Variants in ASCL1 observed in about 807,000 individuals in gnomAD.
The protein encoded by ASCL1 is achaete-scute family bHLH transcription factor 1, also known as achaete-scute homolog 1.
A neutral mutation model predicts 16.1 loss-of-function variants in ASCL1; 2 were observed. The observed-to-expected ratio is 0.12, with a 90% CI of 0.05 to 0.39. The LOEUF (loss-of-function observed/expected upper bound fraction) is 0.39. Ranked by LOEUF, ASCL1 falls within the 10% of genes least tolerant of loss-of-function variation. The pLI is 0.99. For synonymous variants in ASCL1, 165 were observed against 155.7 expected (o/e 1.06, Z -0.45); for missense variants, 276 against 336.9 (o/e 0.82, Z 1.41).
In ASCL1 at chr12:102,958,951, T is replaced by C; in HGVS notation, c.707T>C (p.Phe236Ser). The C allele has an allele frequency of 6.2e-7, 1 of 1,613,594 alleles. No homozygotes were observed. Among genetic ancestry groups the C allele is most frequent in the Non-Finnish European group, 8.5e-7 (1 of 1,180,040 alleles). ...EQELLDFTNW[F>S] ...GAGCTTCTCGACTTCACCAACTGGT[T>C]CTGAGGGGCTCGGCCTGGTCAGGCC... Residue 236 changes from phenylalanine (F) to serine (S), a missense_variant, in exon 1 of 2, where the codon TTC becomes TCC. Around this residue, in one of 3 missense-constraint regions of ASCL1, gnomAD observed 68 missense variants for 86.7 expected, o/e 0.78. Coordinates refer to ENST00000266744, the MANE Select transcript of ASCL1 (RefSeq NM_004316.4).
Position 102,959,887 on chromosome 12 carries a change from T to C in ASCL1, c.*573T>C, listed in dbSNP as rs1045817621. ...TCTCAGCCCTTTGAAACTCTGCTTCTCCTCCAGGGCCCGATTCCCAAACCC... is the reference window on the plus strand; with the variant it reads ...TCTCAGCCCTTTGAAACTCTGCTTCCCCTCCAGGGCCCGATTCCCAAACCC... On this transcript the variant is annotated 3_prime_UTR_variant, in exon 2 of 2. Transcript: ENST00000266744. The C allele has an allele frequency of 6.6e-6, 1 of 152,342 alleles. No individual in the cohort carries two copies. Among genetic ancestry groups the C allele is most frequent in the Non-Finnish European group, 1.5e-5 (1 of 68,030 alleles). 9.4% of individuals were successfully genotyped at this position (152,342 alleles called of 1,614,324 possible).
In ASCL1 at chr12:102,960,403, A is replaced by G. The variant is rs1031292111; in HGVS notation, c.*1089A>G. 6.7e-5 allele frequency: 3 copies of G among 44,642 alleles called. No homozygotes were observed. The highest frequency in any genetic ancestry group is 1.6e-4 in the Non-Finnish European group (3 of 18,518). 2.8% of individuals were successfully genotyped at this position (44,642 alleles called of 1,614,324 possible). A position where few individuals can be genotyped will look rare whatever the true frequency, so the allele number is the denominator to read the frequency against. The stretch of plus-strand genomic sequence containing the variant: ...AGGTTGCCTTTTGGAGATTTCTATT[A>G]CTGCCTTTTTTTTTCTTACTGTTTT... On this transcript the variant is annotated 3_prime_UTR_variant, in exon 2 of 2. Transcript: ENST00000266744.
At position 102,958,779 on chromosome 12, in the gene ASCL1, G is replaced by A; in HGVS notation, c.535G>A (p.Ala179Thr). The A allele has an allele frequency of 6.2e-7, 1 of 1,614,092 alleles. No individual in the cohort carries two copies. Among genetic ancestry groups the A allele is most frequent in the Non-Finnish European group, 8.5e-7 (1 of 1,180,012 alleles). Residue 179 changes from alanine to threonine, a missense_variant, in exon 1 of 2, where the codon GCG becomes ACG. Around this residue, in one of 3 missense-constraint regions of ASCL1, gnomAD observed 68 missense variants for 86.7 expected, o/e 0.78. Transcript: ENST00000266744. ...GCAGCAGCTGCTGGACGAGCATGAC[G>A]CGGTGAGCGCCGCCTTCCAGGCAGG... is the stretch of plus-strand genomic sequence containing the variant. ...ALQQLLDEHD[A>T]VSAAFQAGVL...
chr12:102,959,215 G>A, intron 1 of ASCL1, 147 bp from the exon 2 acceptor site: 2 of 547,464 alleles, frequency 3.7e-6, no homozygotes, highest in Non-Finnish European at 6.5e-6. Context: ...GGGTAGTAGT[G>A]AGGTGCAGAG....
rs971344834 is a variant in ASCL1 at position 102,958,561 on chromosome 12, G to C, written c.317G>C (p.Ser106Thr). 7.5e-6 allele frequency: 12 copies of C among 1,610,464 alleles called. No individual in the cohort carries two copies. The highest frequency in any genetic ancestry group is 9.3e-6 in the Non-Finnish European group (11 of 1,178,654). The stretch of plus-strand genomic sequence containing the variant: ...CGCTGCAAACGCCGGCTCAACTTCA[G>C]CGGCTTTGGCTACAGCCTGCCGCAG... ...LMRCKRRLNF[S>T]GFGYSLPQQQ... The change falls in exon 1 of 2, where the codon AGC becomes ACC. Residue 106 changes from serine to threonine, a missense_variant. By Grantham distance (58) the Ser-to-Thr change is moderately conservative. Transcript: ENST00000266744.
At chr12:102,959,215 G>C in intron 1 of ASCL1, 147 bp from the exon 2 acceptor site, 1 of 547,582 alleles carries the variant, frequency 1.8e-6, no homozygotes, top group Non-Finnish European at 3.3e-6. Context: ...GGGTAGTAGT[G>C]AGGTGCAGAG....
rs66942154 is a variant in ASCL1 at position 102,959,430 on chromosome 12, GA to G, written c.*126del. On this transcript the variant is annotated 3_prime_UTR_variant, in exon 2 of 2. Transcript: ENST00000266744. The stretch of plus-strand genomic sequence containing the variant: ...CGTTGGGAGGGGGAGAAAAGGAAAA[GA>G]AAAAAAAAAGAAGAAGAAGAAGAAA... 0.97 allele frequency: 148,421 copies of G among 152,312 alleles called. 72,327 individuals carry two copies. Among genetic ancestry groups the G allele is most frequent in the African/African-American group, 0.99 (40,793 of 41,208 alleles). The allele number at this position is 152,312 out of a possible 1,614,324, so 9.4% of individuals were successfully genotyped here.
In ASCL1 at chr12:102,959,865, C is replaced by T. The variant is rs1383480094; in HGVS notation, c.*551C>T. The stretch of plus-strand genomic sequence containing the variant: ...GTTTACAGTGAAACTATGCTATTCT[C>T]AGCCCTTTGAAACTCTGCTTCTCCT... On this transcript the variant is annotated 3_prime_UTR_variant, in exon 2 of 2. Coordinates refer to ENST00000266744, the MANE Select transcript of ASCL1 (RefSeq NM_004316.4). 6.6e-6 allele frequency: 1 copy of T among 152,294 alleles called. No homozygotes were observed. The highest frequency in any genetic ancestry group is 2.4e-5 in the African/African-American group (1 of 41,448). 9.4% of individuals were successfully genotyped at this position (152,294 alleles called of 1,614,324 possible). A position where few individuals can be genotyped will look rare whatever the true frequency, so the allele number is the denominator to read the frequency against.
Position 102,958,155 on chromosome 12 carries a change from C to A in ASCL1, c.-90C>A, listed in dbSNP as rs903347197. 2.0e-6 allele frequency: 2 copies of A among 989,884 alleles called. No individual in the cohort carries two copies. Among genetic ancestry groups the A allele is most frequent in the Non-Finnish European group, 2.7e-6 (2 of 736,296 alleles). The allele number at this position is 989,884 out of a possible 1,614,324, so 61.3% of individuals were successfully genotyped here. ...CCTTTTCTTTCCCTCTCTGTTCCTG[C>A]ACCCAAGTTCTCTCTGTGTCCCCCT... On this transcript the variant is annotated 5_prime_UTR_variant, in exon 1 of 2. Coordinates refer to ENST00000266744, the MANE Select transcript of ASCL1 (RefSeq NM_004316.4).
Position 102,958,384 on chromosome 12 carries a change from C to CA in ASCL1, c.140_141insA (p.Gln48AlafsTer109), listed in dbSNP as rs779705418. On this transcript the variant is annotated frameshift_variant, in exon 1 of 2. Coordinates refer to ENST00000266744, the MANE Select transcript of ASCL1 (RefSeq NM_004316.4). LOFTEE classifies it high-confidence loss of function. Reference sequence around the variant, plus strand: ...GCGGCCGCAGCCGCCGCAGCGGCAGCGCAGAGCGCGCAGCAGCAGCAGCAG... The same window carrying CA: ...GCGGCCGCAGCCGCCGCAGCGGCAGCAGCAGAGCGCGCAGCAGCAGCAGCAG... 1.3e-5 allele frequency: 20 copies of CA among 1,493,840 alleles called. No individual in the cohort carries two copies. The East Asian group carries it at 4.6e-4, about 35-fold the overall frequency. The allele number at this position is 1,493,840 out of a possible 1,614,324, so 92.5% of individuals were successfully genotyped here.
Position 102,960,502 on chromosome 12 carries a change from T to G in ASCL1, c.*1188T>G, listed in dbSNP as rs1484448225. On this transcript the variant is annotated 3_prime_UTR_variant, in exon 2 of 2. Transcript: ENST00000266744. ...TTCGTAATAAAACTTTTTCCTTTTT[T>G]TAAAATGAAAATAATCAGCTGACTC... The G allele has an allele frequency of 6.6e-6, 1 of 152,668 alleles. No individual in the cohort carries two copies. The highest frequency in any genetic ancestry group is 2.4e-5 in the African/African-American group (1 of 41,454). The allele number at this position is 152,668 out of a possible 1,614,324, so 9.5% of individuals were successfully genotyped here. A position where few individuals can be genotyped will look rare whatever the true frequency, so the allele number is the denominator to read the frequency against.
At position 102,958,569 on chromosome 12, in the gene ASCL1, G is replaced by C. The variant is rs775238174; in HGVS notation, c.325G>C (p.Gly109Arg). 2.5e-6 allele frequency: 4 copies of C among 1,609,794 alleles called. No individual in the cohort carries two copies. In the African/African-American group the frequency reaches 5.3e-5, roughly 22 times the overall value. The change falls in exon 1 of 2, where the codon GGC (glycine) becomes CGC (arginine). Residue 109 changes from glycine (G) to arginine (R), a missense_variant. By Grantham distance (125) the Gly-to-Arg change is moderately radical. This residue lies in a region of ASCL1 where 178 missense variants were observed against 167.0 expected (regional missense o/e 1.07). Transcript: ENST00000266744. ...CKRRLNFSGF[G>R]YSLPQQQPAA... Reference sequence around the variant, plus strand: ...ACGCCGGCTCAACTTCAGCGGCTTTGGCTACAGCCTGCCGCAGCAGCAGCC... The same window carrying C: ...ACGCCGGCTCAACTTCAGCGGCTTTCGCTACAGCCTGCCGCAGCAGCAGCC...
At position 102,959,677 on chromosome 12, in the gene ASCL1, C is replaced by T. The variant is rs944843330; in HGVS notation, c.*363C>T. The T allele has an allele frequency of 1.3e-5, 2 of 152,278 alleles. No individual in the cohort carries two copies. The highest frequency in any genetic ancestry group is 2.9e-5 in the Non-Finnish European group (2 of 68,150). 9.4% of individuals were successfully genotyped at this position (152,278 alleles called of 1,614,324 possible). On this transcript the variant is annotated 3_prime_UTR_variant, in exon 2 of 2. Transcript: ENST00000266744. ...GCTCCTGGCAGAAGGGAGCAGCACA[C>T]GCGTTATAGTAACTCCCATCACCTC... is the stretch of plus-strand genomic sequence containing the variant.
chr12:102,959,319 C>T (rs1880045088), intron 1 of ASCL1, 43 bp from the exon 2 acceptor site: 1 of 311,844 alleles, frequency 3.2e-6, no homozygotes, highest in African/African-American at 2.2e-5. Flanking sequence ...CACTAGCCTA[C>T]ACGTTCAAAT....
In ASCL1 at chr12:102,958,165, C is replaced by T. The variant is rs2136784746; in HGVS notation, c.-80C>T. ...CCCTCTCTGTTCCTGCACCCAAGTT[C>T]TCTCTGTGTCCCCCTCGCGGGCCCC... On this transcript the variant is annotated 5_prime_UTR_variant, in exon 1 of 2. Coordinates refer to ENST00000266744, the MANE Select transcript of ASCL1 (RefSeq NM_004316.4). The T allele has an allele frequency of 2.6e-6, 3 of 1,140,666 alleles. No individual in the cohort carries two copies. Among genetic ancestry groups the T allele is most frequent in the East Asian group, 6.4e-5 (2 of 31,016 alleles). The allele number at this position is 1,140,666 out of a possible 1,614,324, so 70.7% of individuals were successfully genotyped here.
Position 102,958,283 on chromosome 12 carries a change from CCAGCAGCCCCAG to C in ASCL1, c.41_52del (p.Gln14_Gln17del). On this transcript the variant is annotated inframe_deletion, in exon 1 of 2. Coordinates refer to ENST00000266744, the MANE Select transcript of ASCL1 (RefSeq NM_004316.4). ...CCAAGATGGAGAGCGGCGGCGCCGG[CCAGCAGCCCCAG>C]CCGCAGCCCCAGCAGCCCTTCCTGC... 6.8e-7 allele frequency: 1 copy of C among 1,476,040 alleles called. No individual in the cohort carries two copies. The highest frequency in any genetic ancestry group is 8.9e-7 in the Non-Finnish European group (1 of 1,118,712). 91.4% of individuals were successfully genotyped at this position (1,476,040 alleles called of 1,614,324 possible).
intron 1 of ASCL1, 120 bp from the exon 2 acceptor site, chr12:102,959,235 AACCGAAT>A: frequency 2.0e-6 from 1 of 506,814 alleles, no homozygotes; most frequent in Non-Finnish European, 3.6e-6. Context: ...GATACTGGTG[AACCGAAT>A]ACTGGGACAT....
At position 102,958,157 on chromosome 12, in the gene ASCL1, C is replaced by T; in HGVS notation, c.-88C>T. 1 of 1,046,096 alleles carries T rather than the reference C, an allele frequency of 9.6e-7. No individual in the cohort carries two copies. The highest frequency in any genetic ancestry group is 1.3e-6 in the Non-Finnish European group (1 of 783,644). 64.8% of individuals were successfully genotyped at this position (1,046,096 alleles called of 1,614,324 possible). On this transcript the variant is annotated 5_prime_UTR_variant, in exon 1 of 2. Coordinates refer to ENST00000266744, the MANE Select transcript of ASCL1 (RefSeq NM_004316.4). ...TTTTCTTTCCCTCTCTGTTCCTGCACCCAAGTTCTCTCTGTGTCCCCCTCG... is the reference window on the plus strand; with the variant it reads ...TTTTCTTTCCCTCTCTGTTCCTGCATCCAAGTTCTCTCTGTGTCCCCCTCG...
intron 1 of ASCL1, 117 bp downstream of exon 1, chr12:102,959,119 T>C: frequency 8.3e-7 from 1 of 1,203,030 alleles, no homozygotes; most frequent in Non-Finnish European, 1.1e-6. Flanking sequence ...AAAGAATTTG[T>C]GAAAGTTGGT....
Sources: gnomAD v4.1 joint callset for allele counts on GRCh38, gnomAD v4.1.1 for gene constraint, gnomAD v4.1.1 regional missense constraint, MANE v1.5 for transcripts, NCBI Gene and HGNC (gene_info 2026-07-23, HGNC 2026-07-21) for gene names.